PTCHD4: variants seen among roughly 807,000 people sequenced by gnomAD.
PTCHD4 encodes the protein patched domain-containing protein 4.
In PTCHD4, 33 loss-of-function variants were observed where a neutral mutation model predicts 58.1. The ratio of observed to expected loss-of-function variants is 0.57; its 90% CI spans 0.43 to 0.76. PTCHD4 has a LOEUF of 0.76. Ranked by LOEUF, PTCHD4 falls within the 30% of genes least tolerant of loss-of-function variation. The pLI is 0.00. For synonymous variants in PTCHD4, 478 were observed against 409.6 expected (o/e 1.17, Z -2.02); for missense variants, 1,058 against 1,027.1 (o/e 1.03, Z -0.41).
intron 4 of PTCHD4, among the ~76,000 whole-genome samples, chr6:47,995,862 G>A (rs1442152663): frequency 6.6e-6 from 1 of 152,142 alleles, no homozygotes. Flanking sequence ...AGCCACCCAT[G>A]CTATGAAACA....
chr6:48,106,035 G>T (rs1367323021), intron 1 of PTCHD4, among the ~76,000 whole-genome samples: 3 of 152,116 alleles, frequency 2.0e-5, no homozygotes, highest in Non-Finnish European at 4.4e-5. Context: ...AGGAGGAGCT[G>T]GTACCGTTCC....
At chr6:48,062,313 T>A (rs1764658204) in intron 3 of PTCHD4, among the ~76,000 whole-genome samples, 2 of 152,160 alleles carry the variant, frequency 1.3e-5, no homozygotes, top group African/African-American at 4.8e-5. Flanking sequence ...TACACTTCCA[T>A]CATGATGTGG....
At chr6:48,095,707 A>G (rs543309420) in intron 1 of PTCHD4, among the ~76,000 whole-genome samples, 8 of 148,728 alleles carry the variant, frequency 5.4e-5, no homozygotes, top group East Asian at 2.0e-4. Context: ...ACAAACAAAA[A>G]CAAAAACAAA....
rs182545302 is a variant in PTCHD4 at position 47,933,094 on chromosome 6, G to T, written c.899-53158C>A. On this transcript the variant is annotated intron_variant, in intron 4 of 4. Coordinates refer to ENST00000339488, the MANE Select transcript of PTCHD4 (RefSeq NM_001384253.1). ...GTGAGAGTTCAAGGTTACACTTTCT[G>T]CAAGTTCCTAGCCTGCAGGAATTTG... Among the ~76,000 whole-genome samples the T allele has an allele frequency of 5.5e-3, 837 of 152,288 alleles. 3 individuals carry two copies. Among genetic ancestry groups the T allele is most frequent in the South Asian group, 0.025 (122 of 4,830 alleles).
rs1432418144 is a variant in PTCHD4 at position 48,069,588 on chromosome 6, G to C, written c.-631C>G. Among the ~76,000 whole-genome samples the C allele has an allele frequency of 6.6e-6, 1 of 152,176 alleles. No homozygotes were observed. The highest frequency in any genetic ancestry group is 1.5e-5 in the Non-Finnish European group (1 of 68,034). On this transcript the variant is annotated 5_prime_UTR_variant, in exon 2 of 5. Coordinates refer to ENST00000339488, the MANE Select transcript of PTCHD4 (RefSeq NM_001384253.1). The stretch of plus-strand genomic sequence containing the variant: ...GCTGCGGAGACTCCATCTATCCCTG[G>C]TGCGTTGGGACCGTCTGGATAGCTT...
At chr6:48,037,976 A>AT (rs1763702488) in intron 3 of PTCHD4, among the ~76,000 whole-genome samples, 2 of 151,756 alleles carry the variant, frequency 1.3e-5, no homozygotes, top group Non-Finnish European at 1.5e-5. Context: ...CTTTGTTCAG[A>AT]TAAAAAAAAA....
intron 4 of PTCHD4, among the ~76,000 whole-genome samples, chr6:47,927,786 T>C (rs1328236978): frequency 6.6e-6 from 1 of 151,682 alleles, no homozygotes; most frequent in Non-Finnish European, 1.5e-5. Flanking sequence ...TTTTTCATTA[T>C]TATTATTATT....
At chr6:47,973,527 C>T (rs1467565677) in intron 4 of PTCHD4, among the ~76,000 whole-genome samples, 7 of 152,134 alleles carry the variant, frequency 4.6e-5, no homozygotes, top group African/African-American at 9.7e-5. Flanking sequence ...CTGCTGGAGC[C>T]AGACGGCACC....
intron 1 of PTCHD4, among the ~76,000 whole-genome samples, chr6:48,092,640 T>C (rs1016900082): frequency 6.6e-6 from 1 of 152,214 alleles, no homozygotes; most frequent in African/African-American, 2.4e-5. Context: ...ATCACTTTAG[T>C]TACTTAGGTA....
At chr6:48,014,678 C>T (rs562436293) in intron 3 of PTCHD4, among the ~76,000 whole-genome samples, 2 of 152,102 alleles carry the variant, frequency 1.3e-5, no homozygotes, top group South Asian at 2.1e-4. Context: ...ACTGGAGATG[C>T]CTGGATGTCA....
intron 4 of PTCHD4, among the ~76,000 whole-genome samples, chr6:47,902,923 T>G (rs7757759): frequency 0.63 from 95,527 of 152,156 alleles, 30,865 homozygotes; most frequent in East Asian, 0.78. Flanking sequence ...CTTTTGGCAT[T>G]ATGATGACCC....
chr6:47,922,509 CA>C lies in PTCHD4; in HGVS notation c.899-42574del, dbSNP rs375443430. Among the ~76,000 whole-genome samples, 784 of 152,276 alleles carry C rather than the reference CA, an allele frequency of 5.1e-3. 16 individuals are homozygous for C. The highest frequency in any genetic ancestry group is 0.024 in the East Asian group (126 of 5,158). ...ATTATTTAAATGGCTGCAGTTCCAT[CA>C]GTTCACAACTTGGCGAGAGGGCTCA... On this transcript the variant is annotated intron_variant, in intron 4 of 4. Coordinates refer to ENST00000339488, the MANE Select transcript of PTCHD4 (RefSeq NM_001384253.1).
At chr6:47,928,417 A>G (rs565919912) in intron 4 of PTCHD4, among the ~76,000 whole-genome samples, 6 of 152,338 alleles carry the variant, frequency 3.9e-5, no homozygotes, top group Non-Finnish European at 8.8e-5. Context: ...TGGACAGGGG[A>G]TGAGATTCCA....
intron 4 of PTCHD4, among the ~76,000 whole-genome samples, chr6:47,881,003 T>A (rs1764006304): frequency 6.6e-6 from 1 of 152,180 alleles, no homozygotes; most frequent in African/African-American, 2.4e-5. Flanking sequence ...TCTTCATAGA[T>A]CACTCTTGCC....
rs1360639036 is a variant in PTCHD4 at position 47,867,525 on chromosome 6, T to C, written c.*10778A>G. On this transcript the variant is annotated 3_prime_UTR_variant, in exon 5 of 5. Transcript: ENST00000339488. ...TCCAAAATCCAAGTAACTCCCCATA[T>C]CCTGGCAATGCTTTATAATACCACT... Among the ~76,000 whole-genome samples the C allele has an allele frequency of 2.0e-5, 3 of 149,976 alleles. No individual in the cohort carries two copies. Among genetic ancestry groups the C allele is most frequent in the Non-Finnish European group, 2.9e-5 (2 of 67,834 alleles).
intron 3 of PTCHD4, among the ~76,000 whole-genome samples, chr6:48,047,336 G>C (rs1764071418): frequency 6.6e-6 from 1 of 151,454 alleles, no homozygotes; most frequent in African/African-American, 2.4e-5. Flanking sequence ...TAACCACAAT[G>C]GTTGCACATA....
At chr6:48,059,058 C>A (rs796258030) in intron 3 of PTCHD4, among the ~76,000 whole-genome samples, 4 of 152,302 alleles carry the variant, frequency 2.6e-5, no homozygotes, top group African/African-American at 9.6e-5. Flanking sequence ...GAACTTAACC[C>A]ACTAGCATTT....
chr6:47,997,117 A>G (rs1768523701), intron 4 of PTCHD4, among the ~76,000 whole-genome samples: 1 of 152,172 alleles, frequency 6.6e-6, no homozygotes, highest in African/African-American at 2.4e-5. Context: ...TAAGTATTAT[A>G]ATGAGTCCTC....
intron 1 of PTCHD4, among the ~76,000 whole-genome samples, chr6:48,087,870 A>G (rs1765291797): frequency 6.6e-6 from 1 of 152,234 alleles, no homozygotes; most frequent in Admixed American, 6.5e-5. Flanking sequence ...ATTTAGTCTT[A>G]ATGGAACAAT....
Sources: gnomAD v4.1 joint callset for allele counts (sites outside exome capture counted in the v4.1 genomes callset) on GRCh38, gnomAD v4.1.1 for gene constraint, MANE v1.5 for transcripts, NCBI Gene and HGNC (gene_info 2026-07-23, HGNC 2026-07-21) for gene names.